Variants in MAGI2 observed in about 807,000 individuals in gnomAD.
MAGI2 encodes the protein membrane associated guanylate kinase, WW and PDZ domain containing 2.
MAGI2 carries 35 observed loss-of-function variants against 133.3 expected under a neutral mutation model. The observed-to-expected ratio is 0.26, with a 90% CI of 0.20 to 0.35. The LOEUF (loss-of-function observed/expected upper bound fraction) is 0.35, where lower values mean the gene tolerates loss of function less well. MAGI2 is among the 10% of genes least tolerant of loss of function. MAGI2 has a pLI of 1.00. For synonymous variants in MAGI2, 729 were observed against 710.6 expected (o/e 1.03, Z -0.41); for missense variants, 1,636 against 1,863.4 (o/e 0.88, Z 2.25).
chr7:78,284,793 T>TTGATTATA, intron 9 of MAGI2, among the ~76,000 whole-genome samples: 2 of 152,198 alleles, frequency 1.3e-5, no homozygotes, highest in Middle Eastern at 6.8e-3. Context: ...CAAAGGGACC[T>TTGATTATA]TGATTATATG....
chr7:78,904,470 C>T (rs545580988), intron 2 of MAGI2, among the ~76,000 whole-genome samples: 12 of 151,802 alleles, frequency 7.9e-5, no homozygotes, highest in African/African-American at 2.9e-4. Flanking sequence ...TAATACAGTT[C>T]TCTATAACTT....
At chr7:78,788,934 C>T (rs904168377) in intron 2 of MAGI2, among the ~76,000 whole-genome samples, 14 of 152,106 alleles carry the variant, frequency 9.2e-5, no homozygotes, top group Non-Finnish European at 1.0e-4. Context: ...TGTACCCCTA[C>T]GAGAGGCCCG....
At chr7:78,552,097 T>C (rs575101069) in intron 3 of MAGI2, among the ~76,000 whole-genome samples, 5 of 152,098 alleles carry the variant, frequency 3.3e-5, no homozygotes, top group African/African-American at 9.6e-5. Context: ...AGCAATCTTA[T>C]TGGGCAATTC....
intron 1 of MAGI2, chr7:79,414,334 C>CT (rs759996140): frequency 6.6e-6 from 1 of 152,120 alleles, no homozygotes; most frequent in South Asian, 2.1e-4. Flanking sequence ...TTTGATCTCT[C>CT]TTTTTTCTTC....
chr7:78,566,941 G>C (rs916664202), intron 3 of MAGI2, among the ~76,000 whole-genome samples: 1 of 152,104 alleles, frequency 6.6e-6, no homozygotes, highest in African/African-American at 2.4e-5. Flanking sequence ...TCCTATTTTA[G>C]ATATGGAAAG....
At chr7:78,768,211 C>A (rs1355777420) in intron 2 of MAGI2, among the ~76,000 whole-genome samples, 1 of 152,136 alleles carries the variant, frequency 6.6e-6, no homozygotes, top group Non-Finnish European at 1.5e-5. Context: ...TGGGTAAAAC[C>A]ACCTCACCTG....
At chr7:78,042,309 A>C (rs978227421) in intron 21 of MAGI2, among the ~76,000 whole-genome samples, 1 of 152,180 alleles carries the variant, frequency 6.6e-6, no homozygotes. Context: ...TGATAATCTT[A>C]AAATGCTAAC....
intron 1 of MAGI2, among the ~76,000 whole-genome samples, chr7:79,275,413 T>C (rs942002254): frequency 1.3e-5 from 2 of 152,150 alleles, no homozygotes; most frequent in African/African-American, 4.8e-5. Flanking sequence ...TTCAATTCTT[T>C]GAAGGCTGAA....
chr7:78,934,135 C>G (rs1031436018), intron 2 of MAGI2, among the ~76,000 whole-genome samples: 1 of 152,040 alleles, frequency 6.6e-6, no homozygotes, highest in Admixed American at 6.6e-5. Context: ...GAGTCTTGCT[C>G]TTGTCACCCA....
intron 1 of MAGI2, among the ~76,000 whole-genome samples, chr7:79,144,149 ACC>A (rs1232731984): frequency 6.6e-6 from 1 of 152,228 alleles, no homozygotes; most frequent in Non-Finnish European, 1.5e-5. Flanking sequence ...TAGGCAAAGT[ACC>A]CACAGCAGTG....
chr7:79,305,829 A>G (rs562837339), intron 1 of MAGI2, among the ~76,000 whole-genome samples: 1 of 152,104 alleles, frequency 6.6e-6, no homozygotes, highest in South Asian at 2.1e-4. Context: ...GCTAACACAG[A>G]AGGATCCCAT....
intron 3 of MAGI2, among the ~76,000 whole-genome samples, chr7:78,544,179 C>G (rs1798629601): frequency 6.6e-6 from 1 of 152,220 alleles, no homozygotes. Flanking sequence ...TTGGCTTAAA[C>G]TGGTAGTGAC....
At chr7:78,093,358 G>A (rs1817412236) in intron 20 of MAGI2, among the ~76,000 whole-genome samples, 1 of 151,810 alleles carries the variant, frequency 6.6e-6, no homozygotes, top group South Asian at 2.1e-4. Flanking sequence ...GGAGGCTGAG[G>A]CAGGAGAATT....
intron 2 of MAGI2, among the ~76,000 whole-genome samples, chr7:78,661,610 G>T (rs1395668748): frequency 6.6e-6 from 1 of 152,036 alleles, no homozygotes; most frequent in Non-Finnish European, 1.5e-5. Context: ...TCTCCTCTAG[G>T]GCTCTGTCAT....
Position 78,417,374 on chromosome 7 carries a change from CG to C in MAGI2, c.1046-48162del, listed in dbSNP as rs534089405. ...CATGATTGACGGGTGTGTGGGAGGC[CG>C]GGGGGAAGGAATTCACATTCACAGA... On this transcript the variant is annotated intron_variant, in intron 6 of 21. Transcript: ENST00000354212. 6.6e-5 allele frequency among the ~76,000 whole-genome samples: 10 copies of C among 151,976 alleles called. No homozygotes were observed. In the South Asian group the frequency reaches 2.1e-3, roughly 32 times the overall value.
At chr7:79,205,770 T>C (rs1828999095) in intron 1 of MAGI2, among the ~76,000 whole-genome samples, 1 of 151,838 alleles carries the variant, frequency 6.6e-6, no homozygotes, top group African/African-American at 2.4e-5. Flanking sequence ...TGTGTGTGTG[T>C]GTGTGTGTAA....
chr7:78,693,873 C>T (rs537836670), intron 2 of MAGI2, among the ~76,000 whole-genome samples: 1 of 152,266 alleles, frequency 6.6e-6, no homozygotes, highest in Non-Finnish European at 1.5e-5. Flanking sequence ...GTGAGACTGT[C>T]TGCTTTGTAT....
chr7:78,840,955 C>A (rs1792094482), intron 2 of MAGI2, among the ~76,000 whole-genome samples: 1 of 151,898 alleles, frequency 6.6e-6, no homozygotes, highest in South Asian at 2.1e-4. Flanking sequence ...TAACCCATAT[C>A]CTTTGAGACT....
intron 6 of MAGI2, among the ~76,000 whole-genome samples, chr7:78,429,258 C>T (rs1799565019): frequency 1.4e-5 from 2 of 147,620 alleles, no homozygotes; most frequent in South Asian, 4.2e-4. Flanking sequence ...ACTCCCATCC[C>T]CTCCTCATTG....
Sources: allele counts gnomAD v4.1 joint callset (sites outside exome capture counted in the v4.1 genomes callset), GRCh38; gene constraint gnomAD v4.1.1; transcripts MANE v1.5; gene names NCBI Gene and HGNC (gene_info 2026-07-23, HGNC 2026-07-21).